Variants in ANKLE2 observed in about 807,000 individuals in gnomAD.
ANKLE2 encodes ankyrin repeat and LEM domain containing 2, also known as ankyrin repeat and LEM domain-containing protein 2.
Under a neutral mutation model 84.2 loss-of-function variants are expected in ANKLE2, and 55 were observed. That is an observed-to-expected ratio of 0.65 (90% CI 0.53 to 0.82). The LOEUF (loss-of-function observed/expected upper bound fraction) is 0.82, where lower values mean the gene tolerates loss of function less well. Among genes scored for constraint, ANKLE2 ranks in the 40% least tolerant of loss-of-function variants. The probability of loss-of-function intolerance (pLI) is 0.00; values close to 1 mark genes in which losing one functional copy is unlikely to be tolerated. For synonymous variants in ANKLE2, 551 were observed against 486.1 expected, an observed-to-expected ratio of 1.13 and a Z score of -1.76; for missense variants, 1,238 against 1,201.9, an observed-to-expected ratio of 1.03 and a Z score of -0.44.
chr12:132,738,219 T>C (rs1363377824), intron 7 of ANKLE2: 3 of 152,346 alleles, frequency 2.0e-5, no homozygotes, highest in Non-Finnish European at 4.4e-5. Flanking sequence ...CTGCTTCTCT[T>C]GTACTTTACA....
rs530881578 is a variant in ANKLE2, at chr12:132,729,768, G to A, written c.2394C>T (p.Ile798=). 21 of 1,612,156 alleles carry A rather than the reference G, an allele frequency of 1.3e-5. No individual in the cohort carries two copies. The highest frequency in any genetic ancestry group is 2.7e-5 in the African/African-American group (2 of 74,688). The change falls in exon 11 of 13, where the codon ATC becomes ATT. Residue 798 remains isoleucine, a synonymous_variant. Transcript: ENST00000357997. ...RRTESEMSAR[I]AKMSLSPSSP... ...TGCTGGGACTCAAGGACATTTTAGCGATCCTGGCTGACATTTCACTTTCTG... is the reference window on the plus strand; with the variant it reads ...TGCTGGGACTCAAGGACATTTTAGCAATCCTGGCTGACATTTCACTTTCTG...
At chr12:132,759,414 T>C (rs1439070931) in intron 1 of ANKLE2, 1 of 151,866 alleles carries the variant, frequency 6.6e-6, no homozygotes, top group Non-Finnish European at 1.5e-5. Flanking sequence ...CAGGTTTAAC[T>C]TCCTAAAAAC....
chr12:132,740,864 T>A (rs1246179251), intron 7 of ANKLE2, among the ~76,000 whole-genome samples: 1 of 151,252 alleles, frequency 6.6e-6, no homozygotes, highest in Non-Finnish European at 1.5e-5. Flanking sequence ...CGGAGGCGAG[T>A]GGGGAGGGAG....
intron 6 of ANKLE2, among the ~76,000 whole-genome samples, chr12:132,742,774 T>G: frequency 6.6e-6 from 1 of 152,012 alleles, no homozygotes. Context: ...ACCACCATCA[T>G]CCTCACTACC....
chr12:132,736,994 C>G lies in ANKLE2; in HGVS notation c.1492G>C (p.Asp498His), dbSNP rs758390746. 4.3e-6 allele frequency: 7 copies of G among 1,613,570 alleles called. No individual in the cohort carries two copies. The highest frequency in any genetic ancestry group is 5.9e-6 in the Non-Finnish European group (7 of 1,179,660). ...SPVIGELWSP[D>H]QTAEASHVSR... ...ACGTGAGAGGCCTCAGCCGTCTGGT[C>G]TGGGGACCACAGCTCCCCGATGACT... is the stretch of plus-strand genomic sequence containing the variant. The change falls in exon 8 of 13, where the codon GAC (aspartate) becomes CAC (histidine). Residue 498 changes from aspartate (D) to histidine (H), a missense_variant. Transcript: ENST00000357997.
At chr12:132,759,915 CCT>C (rs1200248520) in intron 1 of ANKLE2, 40 of 152,252 alleles carry the variant, frequency 2.6e-4, no homozygotes, top group African/African-American at 8.9e-4. Context: ...AGGTGGATCA[CCT>C]GAGGTCAGGA....
In ANKLE2 at chr12:132,743,110, C is replaced by A; in HGVS notation, c.1353+44G>T. The A allele has an allele frequency of 6.6e-7, 1 of 1,523,838 alleles. No individual in the cohort carries two copies. The highest frequency in any genetic ancestry group is 8.9e-7 in the Non-Finnish European group (1 of 1,128,080). The allele number at this position is 1,523,838 out of a possible 1,614,324, so 94.4% of individuals were successfully genotyped here. Reference sequence around the variant, plus strand: ...CACAGACTGTAAATTTATATATTTCCATTTCTAACTCTAGATAGCAACTGC... The same window carrying A: ...CACAGACTGTAAATTTATATATTTCAATTTCTAACTCTAGATAGCAACTGC... On this transcript the variant is annotated intron_variant, in intron 6 of 12. Coordinates refer to ENST00000357997, the MANE Select transcript of ANKLE2 (RefSeq NM_015114.3). The surrounding 1 kb of genome is among the most constrained non-coding windows in gnomAD (Gnocchi z 4.1).
chr12:132,733,220 C>G (rs1230237312), intron 10 of ANKLE2, among the ~76,000 whole-genome samples: 17 of 127,330 alleles, frequency 1.3e-4, no homozygotes, highest in South Asian at 5.2e-4. Flanking sequence ...CTCTCTGCGT[C>G]CTGGTGTCTG....
intron 6 of ANKLE2, chr12:132,742,467 C>A (rs1041576142): frequency 6.6e-6 from 1 of 152,484 alleles, no homozygotes; most frequent in Non-Finnish European, 1.5e-5. Context: ...ACAGAAAAAT[C>A]AAACTCATCT....
rs201601874 is a variant in ANKLE2 at position 132,732,614 on chromosome 12, G to A, written c.1891+1771C>T. ...ATACGCACCGTGTGAAGCTCTCTGC[G>A]TCCTGGTGTCTGATACGCACCGTGA... On this transcript the variant is annotated intron_variant, in intron 10 of 12. Transcript: ENST00000357997. 2.0e-4 allele frequency among the ~76,000 whole-genome samples: 23 copies of A among 113,752 alleles called. No homozygotes were observed. In the East Asian group the frequency reaches 2.2e-3, roughly 11 times the overall value. 74.6% of individuals were successfully genotyped at this position (113,752 alleles called of 152,430 possible). A position where few individuals can be genotyped will look rare whatever the true frequency, so the allele number is the denominator to read the frequency against.
At chr12:132,729,639 T>TGA in intron 11 of ANKLE2, 40 bp downstream of exon 11, 1 of 817,712 alleles carries the variant, frequency 1.2e-6, no homozygotes, top group Non-Finnish European at 1.7e-6. Context: ...GGAGGGAAGG[T>TGA]GGGGAAGGAA....
At chr12:132,727,535 C>G in intron 12 of ANKLE2, 92 bp from the exon 13 acceptor site, 1 of 1,461,576 alleles carries the variant, frequency 6.8e-7, no homozygotes, top group Non-Finnish European at 9.3e-7. Flanking sequence ...GACTCAGGCA[C>G]ATGCGCCCGG....
chr12:132,760,372 G>A (rs965817023), intron 1 of ANKLE2: 1 of 152,164 alleles, frequency 6.6e-6, no homozygotes, highest in Non-Finnish European at 1.5e-5. Context: ...CACAGGCTGG[G>A]TGTCGTCTGT....
At chr12:132,752,707 C>T (rs1014431285) in intron 2 of ANKLE2, among the ~76,000 whole-genome samples, 3 of 152,038 alleles carry the variant, frequency 2.0e-5, no homozygotes, top group African/African-American at 7.2e-5. Flanking sequence ...GAACAATATT[C>T]CATTCTATTC....
intron 7 of ANKLE2, among the ~76,000 whole-genome samples, chr12:132,739,227 A>C (rs1360067673): frequency 2.0e-5 from 3 of 152,166 alleles, no homozygotes; most frequent in African/African-American, 7.2e-5. Flanking sequence ...CTATATAACA[A>C]ACCTGCACAC....
In ANKLE2 at chr12:132,730,086, T is replaced by A. The variant is rs199793994; in HGVS notation, c.2076A>T (p.Gly692=). 3 of 1,612,502 alleles carry A rather than the reference T, an allele frequency of 1.9e-6. No individual in the cohort carries two copies. The highest frequency in any genetic ancestry group is 2.5e-6 in the Non-Finnish European group (3 of 1,179,614). The change falls in exon 11 of 13, where the codon GGA becomes GGT. Residue 692 remains glycine, a synonymous_variant. Coordinates refer to ENST00000357997, the MANE Select transcript of ANKLE2 (RefSeq NM_015114.3). ...GCCCATTTCTGCTGCTGTGTGGACC[T>A]CCCGGCTCGGCGGCTTCTATGAGGT... ...EADLIEAAEP[G]GPHSSRNGLC... is the part of the protein sequence containing the mutation.
intron 9 of ANKLE2, 110 bp downstream of exon 9, chr12:132,735,296 G>C: frequency 9.7e-7 from 1 of 1,031,968 alleles, no homozygotes; most frequent in Non-Finnish European, 1.5e-6. Context: ...AAGTCTCCCA[G>C]AAAAGCCTTC....
chr12:132,755,381 T>G (rs1230029535), intron 1 of ANKLE2: 1 of 345,592 alleles, frequency 2.9e-6, no homozygotes. Context: ...ACGTCTCTAC[T>G]GAAAATACAA....
intron 3 of ANKLE2, chr12:132,749,072 A>G (rs1262353312): frequency 1.3e-5 from 2 of 152,090 alleles, no homozygotes; most frequent in African/African-American, 4.8e-5. Flanking sequence ...GGGCAAGGGA[A>G]CACTCCCAGA....
Sources: allele counts gnomAD v4.1 joint callset (sites outside exome capture counted in the v4.1 genomes callset), GRCh38; gene constraint gnomAD v4.1.1; non-coding constraint Gnocchi (gnomAD v3.1); transcripts MANE v1.5; gene names NCBI Gene and HGNC (gene_info 2026-07-23, HGNC 2026-07-21).